PTPRR: variants seen among roughly 807,000 people sequenced by gnomAD.
The protein encoded by PTPRR is protein tyrosine phosphatase receptor type R.
In PTPRR, 38 loss-of-function variants were observed where a neutral mutation model predicts 77.2. The observed-to-expected ratio is 0.49, with a 90% CI of 0.38 to 0.65. PTPRR has a LOEUF of 0.65. PTPRR is among the 30% of genes least tolerant of loss of function. PTPRR has a pLI of 0.00. For synonymous variants in PTPRR, 299 were observed against 283.1 expected (o/e 1.06, Z -0.57); for missense variants, 744 against 799.2 (o/e 0.93, Z 0.83).
intron 13 of PTPRR, among the ~76,000 whole-genome samples, chr12:70,651,197 T>C (rs1886382491): frequency 6.6e-6 from 1 of 152,176 alleles, no homozygotes; most frequent in Admixed American, 6.5e-5. Context: ...CCTCTTCAAT[T>C]TCCCTTCACC....
At chr12:70,786,304 A>G (rs1197797804) in intron 2 of PTPRR, among the ~76,000 whole-genome samples, 1 of 152,216 alleles carries the variant, frequency 6.6e-6, no homozygotes, top group Non-Finnish European at 1.5e-5. Context: ...AGGGATGCTT[A>G]GAAGTAGATA....
intron 5 of PTPRR, 90 bp downstream of exon 5, chr12:70,754,101 C>G: frequency 8.2e-7 from 1 of 1,216,258 alleles, no homozygotes; most frequent in Non-Finnish European, 1.2e-6. Flanking sequence ...TGCTCGGAAG[C>G]ATTTTAACAT....
chr12:70,808,272 G>A (rs778846237), intron 2 of PTPRR, among the ~76,000 whole-genome samples: 10 of 152,068 alleles, frequency 6.6e-5, no homozygotes, highest in South Asian at 2.1e-4. Flanking sequence ...ATGACAATGC[G>A]TGCACAGTGG....
Position 70,699,612 on chromosome 12 carries a change from C to T in PTPRR, c.1195-1263G>A, listed in dbSNP as rs540265582. ...CAAGCATGAGCCACAACACCTGGCC[C>T]CAAGTTACTTATTTTTAAAATAATT... On this transcript the variant is annotated intron_variant, in intron 7 of 13. Coordinates refer to ENST00000283228, the MANE Select transcript of PTPRR (RefSeq NM_002849.4). Among the ~76,000 whole-genome samples, 44 of 152,172 alleles carry T rather than the reference C, an allele frequency of 2.9e-4. No individual in the cohort carries two copies. The South Asian group carries it at 3.5e-3, about 12-fold the overall frequency.
At chr12:70,703,529 C>A (rs562484233) in intron 6 of PTPRR, among the ~76,000 whole-genome samples, 3 of 152,070 alleles carry the variant, frequency 2.0e-5, no homozygotes, top group African/African-American at 7.3e-5. Context: ...ACTCATGGAC[C>A]AAGAATTTAA....
intron 6 of PTPRR, among the ~76,000 whole-genome samples, chr12:70,724,751 T>C (rs1160852341): frequency 6.6e-6 from 1 of 152,052 alleles, no homozygotes; most frequent in African/African-American, 2.4e-5. Flanking sequence ...TTATTAGCAG[T>C]TACTAGAGGT....
At chr12:70,760,985 A>G (rs1179431200) in intron 4 of PTPRR, among the ~76,000 whole-genome samples, 2 of 152,206 alleles carry the variant, frequency 1.3e-5, no homozygotes, top group African/African-American at 4.8e-5. Context: ...TCTTTAAAAA[A>G]CTATAGTTTC....
chr12:70,713,930 G>T (rs1429541952), intron 6 of PTPRR, among the ~76,000 whole-genome samples: 1 of 152,124 alleles, frequency 6.6e-6, no homozygotes, highest in African/African-American at 2.4e-5. Flanking sequence ...TATTGTGGGT[G>T]TTTCTCTGAG....
intron 2 of PTPRR, among the ~76,000 whole-genome samples, chr12:70,795,513 C>T (rs2137014004): frequency 6.6e-6 from 1 of 152,238 alleles, no homozygotes; most frequent in African/African-American, 2.4e-5. Context: ...AAGAATTCTT[C>T]TGAGTATATT....
chr12:70,684,642 A>C, intron 9 of PTPRR, 62 bp downstream of exon 9: 1 of 1,189,440 alleles, frequency 8.4e-7, no homozygotes, highest in Non-Finnish European at 1.2e-6. Context: ...AGGAAAAAGA[A>C]AATAAAACCA....
chr12:70,849,465 A>AT (rs1323725553), intron 2 of PTPRR, among the ~76,000 whole-genome samples: 9 of 152,130 alleles, frequency 5.9e-5, no homozygotes, highest in African/African-American at 1.2e-4. Flanking sequence ...TTGACAGTGG[A>AT]TTTTTTCAAC....
At chr12:70,885,431 A>G (rs1218703040) in intron 2 of PTPRR, among the ~76,000 whole-genome samples, 1 of 152,212 alleles carries the variant, frequency 6.6e-6, no homozygotes, top group Admixed American at 6.5e-5. Flanking sequence ...TACAAAGCAC[A>G]TATATGCAGA....
At position 70,672,452 on chromosome 12, in the gene PTPRR, T is replaced by C. The variant is rs1887268283; in HGVS notation, c.1498-9847A>G. 1.7e-5 allele frequency: 18 copies of C among 1,075,038 alleles called. No homozygotes were observed. In the South Asian group the frequency reaches 2.1e-4, roughly 13 times the overall value. 66.6% of individuals were successfully genotyped at this position (1,075,038 alleles called of 1,614,324 possible). ...AAGCACATCAAGGCCACAGATGCCATGGCCCATGTGGCTGGCTTCACTGCG... is the reference window on the plus strand; with the variant it reads ...AAGCACATCAAGGCCACAGATGCCACGGCCCATGTGGCTGGCTTCACTGCG... On this transcript the variant is annotated intron_variant, in intron 10 of 13. Transcript: ENST00000283228.
At chr12:70,816,873 T>A (rs913677216) in intron 2 of PTPRR, among the ~76,000 whole-genome samples, 1 of 152,124 alleles carries the variant, frequency 6.6e-6, no homozygotes, top group African/African-American at 2.4e-5. Flanking sequence ...TTGATGAAGA[T>A]GATTCGATTT....
intron 2 of PTPRR, among the ~76,000 whole-genome samples, chr12:70,824,826 C>T (rs1892081739): frequency 6.6e-6 from 1 of 152,202 alleles, no homozygotes. Flanking sequence ...AGCTGACTCT[C>T]ACATACTGCT....
chr12:70,794,829 T>C (rs1026005199), intron 2 of PTPRR, among the ~76,000 whole-genome samples: 2 of 152,142 alleles, frequency 1.3e-5, no homozygotes, highest in African/African-American at 4.8e-5. Context: ...CCAACAACTA[T>C]GGCAATTTCC....
rs73329547 is a variant in PTPRR at position 70,655,824 on chromosome 12, T to C, written c.1880+880A>G. 7.6e-3 allele frequency among the ~76,000 whole-genome samples: 1,156 copies of C among 152,338 alleles called. 16 individuals carry two copies. The highest frequency in any genetic ancestry group is 0.026 in the African/African-American group (1,101 of 41,572). ...GAGATTGGTTGTACAACAATGTGAA[T>C]GTACTTAACCCTAATAAATTGTCCA... On this transcript the variant is annotated intron_variant, in intron 13 of 13. Coordinates refer to ENST00000283228, the MANE Select transcript of PTPRR (RefSeq NM_002849.4).
intron 6 of PTPRR, among the ~76,000 whole-genome samples, chr12:70,724,828 T>C (rs947255592): frequency 5.3e-5 from 8 of 152,212 alleles, no homozygotes; most frequent in South Asian, 2.1e-4. Flanking sequence ...CACACACACA[T>C]ATATATATTT....
At chr12:70,784,423 C>A (rs577039789) in intron 2 of PTPRR, among the ~76,000 whole-genome samples, 171 of 152,332 alleles carry the variant, frequency 1.1e-3, no homozygotes, top group African/African-American at 3.9e-3. Flanking sequence ...TGGGTCGATG[C>A]TGCCGAGAGC....
Sources: gnomAD v4.1 joint callset for allele counts (sites outside exome capture counted in the v4.1 genomes callset) on GRCh38, gnomAD v4.1.1 for gene constraint, MANE v1.5 for transcripts, NCBI Gene and HGNC (gene_info 2026-07-23, HGNC 2026-07-21) for gene names.